The following PRKG2 variants were observed in gnomAD, a reference collection of about 807,000 sequenced individuals.
The protein encoded by PRKG2 is protein kinase cGMP-dependent 2, also known as cGMP-dependent protein kinase 2.
Under a neutral mutation model 97.2 loss-of-function variants are expected in PRKG2, and 33 were observed. That is an observed-to-expected ratio of 0.34 (90% confidence interval 0.26 to 0.45). The LOEUF is 0.45. PRKG2 is among the 20% of genes least tolerant of loss of function. The probability of loss-of-function intolerance (pLI) is 1.00; values close to 1 mark genes in which losing one functional copy is unlikely to be tolerated. For synonymous variants in PRKG2, 330 were observed against 321.8 expected (o/e 1.03, Z -0.27); for missense variants, 638 against 900.0 (o/e 0.71, Z 3.73).
intron 2 of PRKG2, among the ~76,000 whole-genome samples, chr4:81,203,301 T>TTTCTTTCAG (rs1354406246): frequency 1.3e-5 from 2 of 152,090 alleles, no homozygotes; most frequent in African/African-American, 4.8e-5. Flanking sequence ...ATTAATCAAA[T>TTTCTTTCAG]TTCTTTCAGT....
rs139020982 is a variant in PRKG2 at position 81,202,493 on chromosome 4, T to C, written c.461+2094A>G. 1.5e-4 allele frequency among the ~76,000 whole-genome samples: 23 copies of C among 152,268 alleles called. No homozygotes were observed. In the South Asian group the frequency reaches 2.3e-3, roughly 15 times the overall value. ...AAGGCTCTGTGAAAGCAGATGAGGA[T>C]TGTTAGGGCATGGATGATACAGTTT... On this transcript the variant is annotated intron_variant, in intron 2 of 18. Transcript: ENST00000264399.
upstream of PRKG2, among the ~76,000 whole-genome samples, chr4:81,217,034 T>TATATATATATATATACAC (rs1553933211): frequency 2.3e-5 from 3 of 132,274 alleles, no homozygotes; most frequent in African/African-American, 9.4e-5. Flanking sequence ...ATATTTTGTA[T>TATATATATATATATACAC]ATATATATAT....
At chr4:81,119,926 A>G (rs562030253) in intron 14 of PRKG2, among the ~76,000 whole-genome samples, 2 of 152,228 alleles carry the variant, frequency 1.3e-5, no homozygotes, top group South Asian at 4.2e-4. Flanking sequence ...CGCCCACCTC[A>G]GCCTCCCAAA....
At chr4:81,093,453 T>C (rs1560528610) in intron 17 of PRKG2, among the ~76,000 whole-genome samples, 1 of 151,964 alleles carries the variant, frequency 6.6e-6, no homozygotes, top group Non-Finnish European at 1.5e-5. Context: ...TTAGCATCTA[T>C]AGCTATCTAA....
At chr4:81,191,560 G>A (rs1752521136) in intron 2 of PRKG2, among the ~76,000 whole-genome samples, 1 of 151,986 alleles carries the variant, frequency 6.6e-6, no homozygotes. Context: ...TTCTGCACGT[G>A]TATCCCAGAA....
intron 7 of PRKG2, 137 bp from the exon 8 acceptor site, chr4:81,152,191 G>T (rs193040079): frequency 3.1e-6 from 2 of 641,192 alleles, no homozygotes; most frequent in Non-Finnish European, 5.2e-6. Flanking sequence ...TTAATTTTAT[G>T]GTAATTAGGA....
intron 14 of PRKG2, among the ~76,000 whole-genome samples, chr4:81,111,453 ATAT>A (rs1382602960): frequency 6.6e-5 from 10 of 152,142 alleles, no homozygotes; most frequent in African/African-American, 2.4e-4. Flanking sequence ...TACATGATTA[ATAT>A]TATATCATGT....
chr4:81,138,790 G>T (rs761447660), intron 12 of PRKG2, among the ~76,000 whole-genome samples: 3 of 151,666 alleles, frequency 2.0e-5, no homozygotes, highest in Non-Finnish European at 2.9e-5. Flanking sequence ...ATGCCCTGAA[G>T]CTGCTCATCA....
At chr4:81,147,230 G>A (rs1234907393) in intron 9 of PRKG2, among the ~76,000 whole-genome samples, 1 of 151,502 alleles carries the variant, frequency 6.6e-6, no homozygotes, top group Non-Finnish European at 1.5e-5. Flanking sequence ...TTACAATGAA[G>A]AAAAAAGAAA....
chr4:81,216,747 C>T (rs1754284962), upstream of PRKG2, among the ~76,000 whole-genome samples: 1 of 151,974 alleles, frequency 6.6e-6, no homozygotes, highest in South Asian at 2.1e-4. Flanking sequence ...CATGCCTGCC[C>T]ATTGTTTAGC....
chr4:81,162,463 C>T (rs1365295201), intron 6 of PRKG2, among the ~76,000 whole-genome samples: 2 of 152,132 alleles, frequency 1.3e-5, no homozygotes, highest in Admixed American at 1.3e-4. Context: ...TGGCATGGCC[C>T]ACACAAACCT....
At chr4:81,135,392 AATAT>A in intron 13 of PRKG2, 96 bp from the exon 14 acceptor site, 5 of 1,278,084 alleles carry the variant, frequency 3.9e-6, no homozygotes, top group Non-Finnish European at 5.3e-6. Context: ...AGGTTTATGC[AATAT>A]AAATATTTTG....
Position 81,144,340 on chromosome 4 carries a change from T to C in PRKG2, c.1155-10A>G, listed in dbSNP as rs1333653354. On this transcript the variant is annotated splice_polypyrimidine_tract_variant and intron_variant, in intron 9 of 18. Coordinates refer to ENST00000264399, the MANE Select transcript of PRKG2 (RefSeq NM_006259.3). ...AGTTTGGTTGAATGTTCTAAATAGA[T>C]AGAATAAAGTAAAATGCTCCGTGCT... 16 of 1,586,434 alleles carry C rather than the reference T, an allele frequency of 1.0e-5. No individual in the cohort carries two copies. Among genetic ancestry groups the C allele is most frequent in the East Asian group, 2.2e-5 (1 of 44,704 alleles).
At chr4:81,101,767 A>G (rs1742818538) in intron 17 of PRKG2, among the ~76,000 whole-genome samples, 1 of 152,058 alleles carries the variant, frequency 6.6e-6, no homozygotes. Flanking sequence ...AAACAAAATT[A>G]AAGTGACTGG....
At position 81,137,481 on chromosome 4, in the gene PRKG2, A is replaced by G. The variant is rs1208004933; in HGVS notation, c.1546T>C (p.Leu516=). The change falls in exon 13 of 19, where the codon TTA becomes CTA. Residue 516 remains leucine, a splice_region_variant and synonymous_variant. Transcript: ENST00000264399. Reference sequence around the variant, plus strand: ...TTATTGTCCTTGAAAGTACGATATAATCTGTGAAGACAGATAAAAACATGG... The same window carrying G: ...TTATTGTCCTTGAAAGTACGATATAGTCTGTGAAGACAGATAAAAACATGG... ...EELCSPFIVK[L]YRTFKDNKYV... 2 of 1,605,198 alleles carry G rather than the reference A, an allele frequency of 1.2e-6. No homozygotes were observed. The highest frequency in any genetic ancestry group is 1.7e-6 in the Non-Finnish European group (2 of 1,172,216).
chr4:81,174,879 A>G lies in PRKG2; in HGVS notation c.542T>C (p.Val181Ala). 1 of 1,612,686 alleles carries G rather than the reference A, an allele frequency of 6.2e-7. No homozygotes were observed. Among genetic ancestry groups the G allele is most frequent in the Non-Finnish European group, 8.5e-7 (1 of 1,178,906 alleles). Residue 181 changes from valine (V) to alanine (A), a missense_variant, in exon 3 of 19, where the codon GTG (valine) becomes GCG (alanine). Physicochemically the swap from Val to Ala is moderately conservative, Grantham distance 64 (BLOSUM62 0). Around this residue, in one of 3 missense-constraint regions of PRKG2, gnomAD observed 332 missense variants for 421.7 expected, o/e 0.79. Coordinates refer to ENST00000264399, the MANE Select transcript of PRKG2 (RefSeq NM_006259.3). ...ATAGTTTCTCCCATACATGCATTCC[A>G]CCATGTCTTTGATCTGCTGAGGATC... ...RLDPQQIKDM[V>A]ECMYGRNYQQ...
At chr4:81,154,599 C>T (rs1445051171) in intron 6 of PRKG2, among the ~76,000 whole-genome samples, 2 of 148,054 alleles carry the variant, frequency 1.4e-5, no homozygotes, top group African/African-American at 2.7e-5. Context: ...AAAGGACATC[C>T]ACAGCAAAAA....
chr4:81,182,755 T>C (rs1013729948), intron 2 of PRKG2, among the ~76,000 whole-genome samples: 5 of 152,068 alleles, frequency 3.3e-5, no homozygotes, highest in Non-Finnish European at 7.4e-5. Flanking sequence ...TATTCTAGTA[T>C]TAAACAATTA....
Position 81,144,346 on chromosome 4 carries a change from A to G in PRKG2, c.1155-16T>C, listed in dbSNP as rs772018500. The G allele has an allele frequency of 2.5e-6, 4 of 1,578,128 alleles. No homozygotes were observed. In the African/African-American group the frequency reaches 5.4e-5, roughly 21 times the overall value. ...GTTGAATGTTCTAAATAGATAGAAT[A>G]AAGTAAAATGCTCCGTGCTGATAGT... On this transcript the variant is annotated splice_polypyrimidine_tract_variant and intron_variant, in intron 9 of 18. Transcript: ENST00000264399.
Sources: gnomAD v4.1 joint callset for allele counts (sites outside exome capture counted in the v4.1 genomes callset) on GRCh38, gnomAD v4.1.1 for gene constraint, gnomAD v4.1.1 regional missense constraint, MANE v1.5 for transcripts, NCBI Gene and HGNC (gene_info 2026-07-23, HGNC 2026-07-21) for gene names.